TENM2: variants seen among roughly 807,000 people sequenced by gnomAD.
TENM2 encodes the protein teneurin-2.
In TENM2, 52 loss-of-function variants were observed where a neutral mutation model predicts 245.2. That is an observed-to-expected ratio of 0.21 (90% CI 0.17 to 0.27). TENM2 has a LOEUF of 0.27. Among genes scored for constraint, TENM2 ranks in the 10% least tolerant of loss-of-function variants. The pLI, the probability that TENM2 is intolerant of heterozygous loss-of-function variation, is 1.00. For missense variants in TENM2, 3,046 were observed against 3,666.8 expected, an observed-to-expected ratio of 0.83 and a Z score of 4.37; for synonymous variants, 1,363 against 1,438.9, an observed-to-expected ratio of 0.95 and a Z score of 1.19.
intron 2 of TENM2, among the ~76,000 whole-genome samples, chr5:167,831,091 A>G (rs1361059121): frequency 6.6e-6 from 1 of 152,090 alleles, no homozygotes; most frequent in Non-Finnish European, 1.5e-5. Context: ...GTTCTTCTGC[A>G]GGCTGTCTTC....
the TENM2 span, among the ~76,000 whole-genome samples, chr5:166,996,349 A>G: frequency 1.5e-3 from 228 of 152,332 alleles, no homozygotes; most frequent in Non-Finnish European, 2.5e-3. Flanking sequence ...TCTCAAAAAC[A>G]AAATAAAACC....
the TENM2 span, among the ~76,000 whole-genome samples, chr5:167,046,133 C>T: frequency 6.8e-3 from 1,027 of 151,834 alleles, 16 homozygotes; most frequent in African/African-American, 0.024. Flanking sequence ...TAAGAACTCA[C>T]GGGAAAAAAA....
At position 167,805,346 on chromosome 5, in the gene TENM2, T is replaced by C. The variant is rs568181098; in HGVS notation, c.503-70640T>C. On this transcript the variant is annotated intron_variant, in intron 2 of 28. Coordinates refer to ENST00000518659, the Ensembl canonical transcript of TENM2. ...AATAGGTATTGGCTCTCCTGAGAAA[T>C]TTTTTATACAATCGTCCTGAGAAAA... Among the ~76,000 whole-genome samples the C allele has an allele frequency of 2.6e-5, 4 of 152,268 alleles. No individual in the cohort carries two copies. In the South Asian group the frequency reaches 8.3e-4, roughly 32 times the overall value.
intron 2 of TENM2, 33 bp downstream of exon 4, chr5:167,375,506 C>A: frequency 6.5e-7 from 1 of 1,542,040 alleles, no homozygotes; most frequent in South Asian, 1.2e-5. Context: ...TTTTAACGTT[C>A]TGTGCACTGC....
the TENM2 span, among the ~76,000 whole-genome samples, chr5:167,185,056 C>T: frequency 5.3e-5 from 8 of 151,226 alleles, no homozygotes; most frequent in African/African-American, 1.9e-4. Context: ...TGCTGTGTGG[C>T]CCCTGGGGGT....
chr5:168,251,468 C>T (rs1042674560), intron 27 of TENM2, among the ~76,000 whole-genome samples: 9 of 152,032 alleles, frequency 5.9e-5, no homozygotes, highest in South Asian at 2.1e-4. Flanking sequence ...GTCAGAGAAG[C>T]GGCGTGCACA....
chr5:167,926,639 T>G (rs940666415), intron 3 of TENM2, among the ~76,000 whole-genome samples: 7 of 151,798 alleles, frequency 4.6e-5, no homozygotes, highest in Non-Finnish European at 8.8e-5. Context: ...GAGAATCGCT[T>G]GAACCCAGGA....
intron 5 of TENM2, among the ~76,000 whole-genome samples, chr5:168,026,607 TG>T (rs1786649390): frequency 1.3e-5 from 2 of 152,312 alleles, no homozygotes; most frequent in Admixed American, 1.3e-4. Flanking sequence ...TACAGGCTGC[TG>T]GGTTTACATC....
chr5:167,234,609 G>A, the TENM2 span, among the ~76,000 whole-genome samples: 4,948 of 152,216 alleles, frequency 0.033, 140 homozygotes, highest in Non-Finnish European at 0.05. Flanking sequence ...TCACAACTGT[G>A]GGGCTCTTGT....
chr5:167,183,965 C>G, the TENM2 span, among the ~76,000 whole-genome samples: 1 of 152,104 alleles, frequency 6.6e-6, no homozygotes, highest in Non-Finnish European at 1.5e-5. Flanking sequence ...AGGACATTTT[C>G]TAACATTTAT....
chr5:167,447,236 G>A (rs183091686), intron 2 of TENM2, among the ~76,000 whole-genome samples: 61 of 152,314 alleles, frequency 4.0e-4, no homozygotes, highest in African/African-American at 1.4e-3. Flanking sequence ...CCATTCTAAA[G>A]ATTATTGTTT....
chr5:167,576,472 G>C (rs1774695829), intron 2 of TENM2, among the ~76,000 whole-genome samples: 1 of 152,010 alleles, frequency 6.6e-6, no homozygotes. Context: ...TACCGTTTAT[G>C]ATGTTCTATA....
intron 28 of TENM2, 131 bp from the exon 31 acceptor site, chr5:168,261,918 C>T: frequency 2.3e-6 from 2 of 856,376 alleles, no homozygotes; most frequent in Non-Finnish European, 3.6e-6. Context: ...GTAGGACTCC[C>T]AACAGCTCAG....
chr5:167,138,935 C>T, the TENM2 span, among the ~76,000 whole-genome samples: 1 of 152,150 alleles, frequency 6.6e-6, no homozygotes, highest in Admixed American at 6.5e-5. Flanking sequence ...TTTTACTAAT[C>T]TTATATGGTT....
intron 1 of TENM2, among the ~76,000 whole-genome samples, chr5:167,334,651 GT>G (rs1294811332): frequency 6.6e-6 from 1 of 151,902 alleles, no homozygotes; most frequent in Non-Finnish European, 1.5e-5. Flanking sequence ...ATGGAAGTCT[GT>G]CAAAGTTGTG....
the TENM2 span, among the ~76,000 whole-genome samples, chr5:167,030,719 G>A: frequency 6.6e-6 from 1 of 152,282 alleles, no homozygotes; most frequent in East Asian, 1.9e-4. Context: ...GAGAAATGCT[G>A]GGTCCTACCA....
At chr5:167,078,114 T>C in the TENM2 span, among the ~76,000 whole-genome samples, 2 of 152,056 alleles carry the variant, frequency 1.3e-5, no homozygotes, top group Admixed American at 1.3e-4. Context: ...CAAAGGATTA[T>C]AGTTAAGGTC....
At chr5:168,235,292 G>A (rs1765323750) in intron 25 of TENM2, among the ~76,000 whole-genome samples, 1 of 152,216 alleles carries the variant, frequency 6.6e-6, no homozygotes, top group Admixed American at 6.5e-5. Context: ...AGCAGCACTT[G>A]TGCAGGCAGA....
intron 2 of TENM2, among the ~76,000 whole-genome samples, chr5:167,707,111 A>G (rs1758587982): frequency 6.6e-6 from 1 of 151,218 alleles, no homozygotes; most frequent in South Asian, 2.1e-4. Flanking sequence ...ATCCTAACAC[A>G]TGGTAGGTGA....
Sources: gnomAD v4.1 joint callset for allele counts (sites outside exome capture counted in the v4.1 genomes callset) on GRCh38, gnomAD v4.1.1 for gene constraint, MANE v1.5 for transcripts, NCBI Gene and HGNC (gene_info 2026-07-23, HGNC 2026-07-21) for gene names.